Variants in ITPK1 observed in about 807,000 individuals in gnomAD.
The protein encoded by ITPK1 is inositol 1,3,4-trisphosphate 5/6-kinase.
A neutral mutation model predicts 45.3 loss-of-function variants in ITPK1; 21 were observed. That is an observed-to-expected ratio of 0.46 (90% CI 0.33 to 0.67). The LOEUF is 0.67. Among genes scored for constraint, ITPK1 ranks in the 30% least tolerant of loss-of-function variants. The pLI, the probability that ITPK1 is intolerant of heterozygous loss-of-function variation, is 0.02. For synonymous variants in ITPK1, 258 were observed against 253.6 expected, an observed-to-expected ratio of 1.02 and a Z score of -0.16; for missense variants, 474 against 573.5, an observed-to-expected ratio of 0.83 and a Z score of 1.77.
chr14:92,944,624 C>A (rs1447641759), intron 10 of ITPK1, among the ~76,000 whole-genome samples: 6 of 152,232 alleles, frequency 3.9e-5, no homozygotes, highest in African/African-American at 1.4e-4. Flanking sequence ...CCCTGTGCCC[C>A]CCTGGCCCTC....
At chr14:93,088,004 A>T (rs1174914158) in intron 2 of ITPK1, among the ~76,000 whole-genome samples, 2 of 152,154 alleles carry the variant, frequency 1.3e-5, no homozygotes, top group East Asian at 3.9e-4. Context: ...ATAATTACTG[A>T]CACTTGGGCT....
chr14:92,996,416 C>T (rs1177272492), intron 4 of ITPK1, among the ~76,000 whole-genome samples: 3 of 143,080 alleles, frequency 2.1e-5, no homozygotes, highest in Non-Finnish European at 4.5e-5. Flanking sequence ...GGGAATATCA[C>T]ACACCGGGGC....
chr14:93,057,536 G>C (rs1442580311), intron 3 of ITPK1, among the ~76,000 whole-genome samples: 1 of 152,224 alleles, frequency 6.6e-6, no homozygotes, highest in South Asian at 2.1e-4. Flanking sequence ...GAAAGGCTAA[G>C]AAAGGAAACA....
At chr14:93,051,511 G>A (rs886715006) in intron 3 of ITPK1, among the ~76,000 whole-genome samples, 10 of 151,966 alleles carry the variant, frequency 6.6e-5, no homozygotes, top group Admixed American at 6.6e-4. Context: ...AGCTATTCAG[G>A]TGGCTGAGGC....
chr14:93,095,574 GTTT>G (rs34003729), intron 2 of ITPK1, among the ~76,000 whole-genome samples: 7 of 137,310 alleles, frequency 5.1e-5, no homozygotes, highest in African/African-American at 1.2e-4. Context: ...CACGGACTAG[GTTT>G]TTTTTTTTTT....
intron 3 of ITPK1, among the ~76,000 whole-genome samples, chr14:93,022,566 A>C (rs551910258): frequency 1.0e-3 from 158 of 150,850 alleles, no homozygotes; most frequent in African/African-American, 3.6e-3. Flanking sequence ...AGGCTGGAGT[A>C]CAGTGGCATG....
At chr14:93,075,426 C>T (rs1449099704) in intron 3 of ITPK1, among the ~76,000 whole-genome samples, 1 of 142,860 alleles carries the variant, frequency 7.0e-6, no homozygotes, top group Non-Finnish European at 1.5e-5. Flanking sequence ...AGAGCCTGGA[C>T]AAAAACCTAG....
chr14:93,040,561 G>GT (rs2139909517), intron 3 of ITPK1, among the ~76,000 whole-genome samples: 1 of 152,312 alleles, frequency 6.6e-6, no homozygotes, highest in African/African-American at 2.4e-5. Context: ...AATACTTGGA[G>GT]TTCCCCCAAA....
chr14:93,004,154 C>T (rs529399665), intron 4 of ITPK1, among the ~76,000 whole-genome samples: 7 of 152,312 alleles, frequency 4.6e-5, no homozygotes, highest in Non-Finnish European at 7.4e-5. Flanking sequence ...TGCAAGCCAG[C>T]GAGATCCATG....
In ITPK1 at chr14:92,941,484, G is replaced by T; in HGVS notation, c.*77C>A. The stretch of plus-strand genomic sequence containing the variant: ...AGATCACTGGGGATTCTTAGTAGTA[G>T]CATCGCCGTTGGGAGCTGCTGGCCC... On this transcript the variant is annotated 3_prime_UTR_variant, in exon 11 of 11. Transcript: ENST00000267615. The T allele has an allele frequency of 6.9e-7, 1 of 1,443,774 alleles. No homozygotes were observed. The highest frequency in any genetic ancestry group is 9.0e-7 in the Non-Finnish European group (1 of 1,106,052). 89.4% of individuals were successfully genotyped at this position (1,443,774 alleles called of 1,614,324 possible).
At chr14:92,971,645 C>T (rs1671697578) in intron 5 of ITPK1, among the ~76,000 whole-genome samples, 1 of 152,228 alleles carries the variant, frequency 6.6e-6, no homozygotes, top group Non-Finnish European at 1.5e-5. Context: ...CCAGGGAAGC[C>T]AGGGACACTG....
chr14:92,940,391 G>A lies in ITPK1; in HGVS notation c.*1170C>T. On this transcript the variant is annotated 3_prime_UTR_variant, in exon 11 of 11. Transcript: ENST00000267615. The stretch of plus-strand genomic sequence containing the variant: ...TGCCTGGATCAGGGGTCAGACGGCA[G>A]AGCCAGTGCTTTGCTGCCAAGGTGA... 1 of 1,024,590 alleles carries A rather than the reference G, an allele frequency of 9.8e-7. No homozygotes were observed. Among genetic ancestry groups the A allele is most frequent in the South Asian group, 3.5e-5 (1 of 28,602 alleles). 63.5% of individuals were successfully genotyped at this position (1,024,590 alleles called of 1,614,324 possible).
chr14:92,940,850 T>C lies in ITPK1; in HGVS notation c.*711A>G. ...GCTCCAGGGAGCAGCAGTGCTGGCT[T>C]AGGGGAAGGAGACCGCTGTGCAGGG... On this transcript the variant is annotated 3_prime_UTR_variant, in exon 11 of 11. Coordinates refer to ENST00000267615, the MANE Select transcript of ITPK1 (RefSeq NM_014216.6). The C allele has an allele frequency of 7.8e-7, 1 of 1,288,446 alleles. No homozygotes were observed. Among genetic ancestry groups the C allele is most frequent in the Non-Finnish European group, 1.0e-6 (1 of 988,512 alleles). 79.8% of individuals were successfully genotyped at this position (1,288,446 alleles called of 1,614,324 possible).
At chr14:92,978,159 G>A (rs745931530) in intron 5 of ITPK1, among the ~76,000 whole-genome samples, 14 of 151,920 alleles carry the variant, frequency 9.2e-5, no homozygotes, top group Non-Finnish European at 1.9e-4. Flanking sequence ...AAAGAGACTG[G>A]CATATTGTGT....
intron 2 of ITPK1, among the ~76,000 whole-genome samples, chr14:93,094,999 ACC>A (rs1892014430): frequency 6.6e-6 from 1 of 152,246 alleles, no homozygotes. Flanking sequence ...CTCAAGGGTC[ACC>A]ACCTGTGGAA....
At chr14:92,976,308 G>A (rs775992189) in intron 5 of ITPK1, among the ~76,000 whole-genome samples, 1 of 152,176 alleles carries the variant, frequency 6.6e-6, no homozygotes, top group Non-Finnish European at 1.5e-5. Flanking sequence ...AATGTGAACT[G>A]GCCCTAGAGC....
In ITPK1 at chr14:93,030,151, G is replaced by A. The variant is rs551819659; in HGVS notation, c.121-13350C>T. 4.8e-4 allele frequency among the ~76,000 whole-genome samples: 73 copies of A among 152,326 alleles called. No individual in the cohort carries two copies. The South Asian group carries it at 0.011, about 23-fold the overall frequency. On this transcript the variant is annotated intron_variant, in intron 3 of 10. Transcript: ENST00000267615. ...ACATGGGAACTGAGGGTGTGAGAGC[G>A]GCACCCCGCATTTACACTCAGTAGA...
intron 5 of ITPK1, among the ~76,000 whole-genome samples, chr14:92,970,291 C>A (rs1014571679): frequency 2.0e-5 from 3 of 152,216 alleles, no homozygotes; most frequent in Non-Finnish European, 4.4e-5. Flanking sequence ...TCTGCTGAGC[C>A]TTGCTTTCCT....
intron 3 of ITPK1, among the ~76,000 whole-genome samples, chr14:93,052,992 G>C (rs1890080100): frequency 6.6e-6 from 1 of 150,452 alleles, no homozygotes; most frequent in East Asian, 2.0e-4. Context: ...AGGGGGGAAG[G>C]GGGAGGGATA....
Sources: allele counts gnomAD v4.1 joint callset (sites outside exome capture counted in the v4.1 genomes callset), GRCh38; gene constraint gnomAD v4.1.1; transcripts MANE v1.5; gene names NCBI Gene and HGNC (gene_info 2026-07-23, HGNC 2026-07-21).